The following CDH18 variants were observed in gnomAD, a reference collection of about 807,000 sequenced individuals.
CDH18 encodes cadherin 18.
In CDH18, 31 loss-of-function variants were observed where a neutral mutation model predicts 67.9. The ratio of observed to expected loss-of-function variants is 0.46; its 90% CI spans 0.34 to 0.62. The LOEUF (loss-of-function observed/expected upper bound fraction) is 0.62. CDH18 is among the 20% of genes least tolerant of loss of function. The pLI, the probability that CDH18 is intolerant of heterozygous loss-of-function variation, is 0.01. For missense variants in CDH18, 890 were observed against 975.5 expected, an observed-to-expected ratio of 0.91 and a Z score of 1.17; for synonymous variants, 362 against 347.2, an observed-to-expected ratio of 1.04 and a Z score of -0.48.
At chr5:19,899,310 G>A (rs941976564) in intron 2 of CDH18, among the ~76,000 whole-genome samples, 2 of 151,290 alleles carry the variant, frequency 1.3e-5, no homozygotes, top group South Asian at 2.1e-4. Flanking sequence ...TGAGGCAGGA[G>A]AATGGCTTGA....
At chr5:20,529,799 G>C (rs939585495) in intron 1 of CDH18, among the ~76,000 whole-genome samples, 1 of 151,922 alleles carries the variant, frequency 6.6e-6, no homozygotes, top group Non-Finnish European at 1.5e-5. Context: ...ATGGGCAAAA[G>C]TTGGAAACAT....
intron 2 of CDH18, among the ~76,000 whole-genome samples, chr5:19,938,619 T>A (rs1794519419): frequency 6.6e-6 from 1 of 151,602 alleles, no homozygotes; most frequent in African/African-American, 2.4e-5. Flanking sequence ...TGGCTAACTT[T>A]GACTTTCTAC....
chr5:19,875,854 A>T (rs1408584687), intron 2 of CDH18, among the ~76,000 whole-genome samples: 1 of 149,010 alleles, frequency 6.7e-6, no homozygotes, highest in African/African-American at 2.4e-5. Context: ...ACAAGATTTT[A>T]TATTTTTAAA....
chr5:19,860,918 AC>A (rs1376201898), intron 2 of CDH18, among the ~76,000 whole-genome samples: 1 of 152,132 alleles, frequency 6.6e-6, no homozygotes, highest in African/African-American at 2.4e-5. Context: ...CTCTCTAAAT[AC>A]CTCTAAGTTT....
chr5:19,501,109 G>C (rs1743158369), intron 11 of CDH18, among the ~76,000 whole-genome samples: 1 of 149,178 alleles, frequency 6.7e-6, no homozygotes, highest in Non-Finnish European at 1.5e-5. Flanking sequence ...ATTCAGCCTG[G>C]GCAACAAGAG....
intron 1 of CDH18, among the ~76,000 whole-genome samples, chr5:20,263,811 A>C (rs1744837929): frequency 6.6e-6 from 1 of 152,126 alleles, no homozygotes; most frequent in South Asian, 2.1e-4. Context: ...AAGGATTTTA[A>C]AATGCCTCCC....
intron 4 of CDH18, among the ~76,000 whole-genome samples, chr5:19,726,702 T>G (rs1405636006): frequency 6.6e-6 from 1 of 152,184 alleles, no homozygotes; most frequent in African/African-American, 2.4e-5. Flanking sequence ...GATGGAAAAA[T>G]TATAAGACTT....
At chr5:20,542,137 T>A (rs1581174506) in intron 1 of CDH18, among the ~76,000 whole-genome samples, 1 of 152,176 alleles carries the variant, frequency 6.6e-6, no homozygotes, top group African/African-American at 2.4e-5. Flanking sequence ...ATAGAGACAG[T>A]GTTTCACCAT....
chr5:20,242,644 A>G (rs1051773077), intron 2 of CDH18, among the ~76,000 whole-genome samples: 2 of 138,800 alleles, frequency 1.4e-5, no homozygotes, highest in African/African-American at 5.6e-5. Context: ...GTATATATAT[A>G]TATATATGTA....
intron 1 of CDH18, among the ~76,000 whole-genome samples, chr5:20,372,254 G>T (rs1255322547): frequency 6.6e-6 from 1 of 152,160 alleles, no homozygotes; most frequent in Admixed American, 6.6e-5. Flanking sequence ...ATATTTTAGA[G>T]ATAGGTTTAA....
At chr5:19,717,906 T>A (rs920337118) in intron 5 of CDH18, among the ~76,000 whole-genome samples, 8 of 152,044 alleles carry the variant, frequency 5.3e-5, no homozygotes, top group African/African-American at 1.9e-4. Context: ...TAAACCATCA[T>A]TTTTTAGTGC....
At chr5:20,271,000 G>A (rs982810342) in intron 1 of CDH18, among the ~76,000 whole-genome samples, 13 of 152,008 alleles carry the variant, frequency 8.6e-5, no homozygotes, top group South Asian at 6.2e-4. Context: ...AGGGTGGGAC[G>A]GGGGAGAGGA....
intron 11 of CDH18, among the ~76,000 whole-genome samples, chr5:19,492,783 T>A (rs1741679212): frequency 6.6e-6 from 1 of 152,152 alleles, no homozygotes; most frequent in Admixed American, 6.5e-5. Context: ...TCTGAATCAA[T>A]GTTAAATATT....
At chr5:20,003,319 T>C (rs1267717542) in intron 2 of CDH18, among the ~76,000 whole-genome samples, 5 of 151,904 alleles carry the variant, frequency 3.3e-5, no homozygotes, top group Non-Finnish European at 7.4e-5. Context: ...GTGTGTGTAT[T>C]TGTACATGTT....
chr5:19,682,202 C>A (rs575882412), intron 5 of CDH18, among the ~76,000 whole-genome samples: 2 of 152,240 alleles, frequency 1.3e-5, no homozygotes, highest in South Asian at 2.1e-4. Flanking sequence ...ATTCTGCCAA[C>A]AGGCACACTA....
Position 20,304,405 on chromosome 5 carries a change from AACT to A in CDH18, c.-579-48903_-579-48901del. On this transcript the variant is annotated intron_variant, in intron 1 of 14. Transcript: ENST00000507958. ...AAGCATCTTCTTCTTTTACTTCAGT[AACT>A]ACTACTTTGGGTAGCTCATGATTCT... The A allele has an allele frequency of 2.8e-6, 4 of 1,411,082 alleles. No individual in the cohort carries two copies. The East Asian group carries it at 9.1e-5, about 32-fold the overall frequency. 87.4% of individuals were successfully genotyped at this position (1,411,082 alleles called of 1,614,324 possible).
chr5:19,973,803 G>C (rs964451365), intron 2 of CDH18, among the ~76,000 whole-genome samples: 2 of 143,232 alleles, frequency 1.4e-5, no homozygotes, highest in Admixed American at 7.1e-5. Flanking sequence ...GATCAAGTTG[G>C]ACAGGAAGGC....
chr5:20,225,528 A>G (rs1378916609), intron 2 of CDH18, among the ~76,000 whole-genome samples: 1 of 152,098 alleles, frequency 6.6e-6, no homozygotes, highest in East Asian at 1.9e-4. Flanking sequence ...CTTGTGCTGT[A>G]GACATTCATA....
chr5:19,707,717 A>G (rs1764148408), intron 5 of CDH18, among the ~76,000 whole-genome samples: 2 of 152,224 alleles, frequency 1.3e-5, no homozygotes, highest in South Asian at 4.1e-4. Context: ...AGTATTTACC[A>G]TAATAAATCT....
Sources: allele counts gnomAD v4.1 joint callset (sites outside exome capture counted in the v4.1 genomes callset), GRCh38; gene constraint gnomAD v4.1.1; transcripts MANE v1.5; gene names NCBI Gene and HGNC (gene_info 2026-07-23, HGNC 2026-07-21).